ARID3B: variants seen among roughly 807,000 people sequenced by gnomAD.
ARID3B encodes the protein AT-rich interactive domain-containing protein 3B.
A neutral mutation model predicts 51.9 loss-of-function variants in ARID3B; 10 were observed. That is an observed-to-expected ratio of 0.19 (90% confidence interval 0.12 to 0.33). ARID3B has a LOEUF of 0.33. Among genes scored for constraint, ARID3B ranks in the 10% least tolerant of loss-of-function variants. ARID3B has a pLI of 1.00. For synonymous variants in ARID3B, 205 were observed against 279.5 expected (o/e 0.73, Z 2.66); for missense variants, 483 against 716.3 (o/e 0.67, Z 3.72).
intron 5 of ARID3B, among the ~76,000 whole-genome samples, chr15:74,590,844 G>A (rs535650844): frequency 3.3e-5 from 5 of 152,318 alleles, no homozygotes; most frequent in African/African-American, 9.6e-5. Context: ...GAAAGCCCTT[G>A]TAAAACATGG....
chr15:74,597,108 T>C lies in ARID3B; in HGVS notation c.*1334T>C. On this transcript the variant is annotated 3_prime_UTR_variant, in exon 9 of 9. Transcript: ENST00000346246. The stretch of plus-strand genomic sequence containing the variant: ...CTCCCCATCACTCAGCATTCCCAGC[T>C]CAGGGCACAGGCAGGCTGGGGTCCT... 1 of 241,970 alleles carries C rather than the reference T, an allele frequency of 4.1e-6. No individual in the cohort carries two copies. 15.0% of individuals were successfully genotyped at this position (241,970 alleles called of 1,614,324 possible).
chr15:74,549,889 A>G (rs752367941), intron 2 of ARID3B, among the ~76,000 whole-genome samples: 1 of 152,208 alleles, frequency 6.6e-6, no homozygotes, highest in Non-Finnish European at 1.5e-5. Context: ...GCTGCTAAAC[A>G]TCCTATAACG....
intron 2 of ARID3B, among the ~76,000 whole-genome samples, chr15:74,558,227 T>C (rs1294210446): frequency 1.0e-4 from 15 of 149,258 alleles, no homozygotes; most frequent in African/African-American, 3.7e-4. Flanking sequence ...ACCAGTATTC[T>C]AATAGAAGTA....
chr15:74,578,607 C>T (rs1236863317), intron 4 of ARID3B, among the ~76,000 whole-genome samples: 1 of 152,156 alleles, frequency 6.6e-6, no homozygotes, highest in African/African-American at 2.4e-5. Context: ...TAGACCTCAG[C>T]AGCAGGTCAG....
intron 4 of ARID3B, among the ~76,000 whole-genome samples, chr15:74,579,872 T>TGTGTGTGTGTGCGC (rs1488209764): frequency 5.0e-5 from 6 of 118,936 alleles, no homozygotes; most frequent in African/African-American, 8.5e-5. Flanking sequence ...TGTGTGTGTG[T>TGTGTGTGTGTGCGC]GCGCGCGCGC....
chr15:74,571,054 A>G (rs1205012145), intron 2 of ARID3B, among the ~76,000 whole-genome samples: 1 of 152,108 alleles, frequency 6.6e-6, no homozygotes, highest in Non-Finnish European at 1.5e-5. Flanking sequence ...CAGGGAAACA[A>G]TTTGATGTAG....
At chr15:74,567,773 T>C (rs1378414582) in intron 2 of ARID3B, among the ~76,000 whole-genome samples, 1 of 152,190 alleles carries the variant, frequency 6.6e-6, no homozygotes, top group Admixed American at 6.5e-5. Context: ...TCTGGAGCTT[T>C]AGAAGAAAGG....
intron 2 of ARID3B, among the ~76,000 whole-genome samples, chr15:74,547,147 T>C (rs1023935594): frequency 2.0e-5 from 3 of 151,590 alleles, no homozygotes; most frequent in Non-Finnish European, 4.4e-5. Flanking sequence ...TTGACACAGA[T>C]CTTTCCCCCC....
At chr15:74,585,051 A>G (rs1300312141) in intron 4 of ARID3B, among the ~76,000 whole-genome samples, 1 of 152,142 alleles carries the variant, frequency 6.6e-6, no homozygotes, top group East Asian at 1.9e-4. Context: ...TGTCAGAGAG[A>G]GCATGATTAA....
At position 74,597,719 on chromosome 15, in the gene ARID3B, C is replaced by T. The variant is rs1219675430; in HGVS notation, c.*1945C>T. ...TCACAAAGGATGGACTCTTCCCACCCAGAGGATGCAGGGAAAGCACACTGT... is the reference window on the plus strand; with the variant it reads ...TCACAAAGGATGGACTCTTCCCACCTAGAGGATGCAGGGAAAGCACACTGT... On this transcript the variant is annotated 3_prime_UTR_variant, in exon 9 of 9. Transcript: ENST00000346246. The T allele has an allele frequency of 4.2e-6, 2 of 480,746 alleles. No individual in the cohort carries two copies. The highest frequency in any genetic ancestry group is 8.0e-6 in the Non-Finnish European group (2 of 249,848). The allele number at this position is 480,746 out of a possible 1,614,324, so 29.8% of individuals were successfully genotyped here.
chr15:74,566,124 CTCCCCCAG>C (rs1447108963), intron 2 of ARID3B, among the ~76,000 whole-genome samples: 1 of 152,152 alleles, frequency 6.6e-6, no homozygotes, highest in Non-Finnish European at 1.5e-5. Context: ...TACTCTCCGT[CTCCCCCAG>C]TCCCACATTC....
intron 4 of ARID3B, among the ~76,000 whole-genome samples, chr15:74,586,453 C>T (rs1312745127): frequency 6.6e-6 from 1 of 152,228 alleles, no homozygotes; most frequent in Non-Finnish European, 1.5e-5. Context: ...ATTTCTACAT[C>T]TATAACAATG....
chr15:74,550,747 G>T (rs535661841), intron 2 of ARID3B, among the ~76,000 whole-genome samples: 1 of 151,774 alleles, frequency 6.6e-6, no homozygotes, highest in East Asian at 1.9e-4. Context: ...TGCTTCCACT[G>T]CTTGCTTGCT....
chr15:74,559,660 A>C (rs970287574), intron 2 of ARID3B, among the ~76,000 whole-genome samples: 1 of 152,186 alleles, frequency 6.6e-6, no homozygotes, highest in Non-Finnish European at 1.5e-5. Flanking sequence ...GCTCCCTTCC[A>C]GATAGAACAG....
intron 4 of ARID3B, among the ~76,000 whole-genome samples, chr15:74,576,183 C>T (rs1403958265): frequency 2.0e-5 from 3 of 152,170 alleles, no homozygotes; most frequent in Non-Finnish European, 4.4e-5. Flanking sequence ...GTATGAGCCA[C>T]CGCACCTGGT....
chr15:74,566,326 G>A (rs976279852), intron 2 of ARID3B, among the ~76,000 whole-genome samples: 12 of 152,082 alleles, frequency 7.9e-5, no homozygotes, highest in South Asian at 4.1e-4. Flanking sequence ...TAGGCCAGGC[G>A]CAGTGGCTCA....
At position 74,552,702 on chromosome 15, in the gene ARID3B, T is replaced by C. The variant is rs74511243; in HGVS notation, c.552+8214T>C. ...GGTGGGATCATTAATGTAGCCTTTT[T>C]AGATTGGCTTTCTCCACTTAGTAAT... On this transcript the variant is annotated intron_variant, in intron 2 of 8. Coordinates refer to ENST00000346246, the MANE Select transcript of ARID3B (RefSeq NM_006465.4). Among the ~76,000 whole-genome samples the C allele has an allele frequency of 3.3e-4, 51 of 152,296 alleles. No homozygotes were observed. The East Asian group carries it at 8.2e-3, about 24-fold the overall frequency.
chr15:74,558,761 T>G (rs181747613), intron 2 of ARID3B, among the ~76,000 whole-genome samples: 9 of 152,140 alleles, frequency 5.9e-5, no homozygotes, highest in African/African-American at 1.7e-4. Flanking sequence ...TTTGTTTTTG[T>G]TTTTTTTCCA....
intron 4 of ARID3B, among the ~76,000 whole-genome samples, chr15:74,585,764 A>C (rs2061778976): frequency 6.6e-6 from 1 of 152,256 alleles, no homozygotes; most frequent in Non-Finnish European, 1.5e-5. Context: ...TTCATAGTAG[A>C]ATCTACTTTG....
Sources: gnomAD v4.1 joint callset for allele counts (sites outside exome capture counted in the v4.1 genomes callset) on GRCh38, gnomAD v4.1.1 for gene constraint, MANE v1.5 for transcripts, NCBI Gene and HGNC (gene_info 2026-07-23, HGNC 2026-07-21) for gene names.